The following BBS9 variants were observed in gnomAD, a reference collection of about 807,000 sequenced individuals.
BBS9 encodes Bardet-Biedl syndrome 9, also known as protein PTHB1.
Under a neutral mutation model 117.7 loss-of-function variants are expected in BBS9, and 89 were observed. The observed-to-expected ratio is 0.76, with a 90% CI of 0.64 to 0.90. The LOEUF (loss-of-function observed/expected upper bound fraction) is 0.90, where lower values mean the gene tolerates loss of function less well. BBS9 is among the 40% of genes least tolerant of loss of function. BBS9 has a pLI of 0.00. For missense variants in BBS9, 982 were observed against 1,042.2 expected (o/e 0.94, Z 0.80); for synonymous variants, 379 against 370.9 (o/e 1.02, Z -0.25).
intron 19 of BBS9, among the ~76,000 whole-genome samples, chr7:33,389,687 TAAAAAAAAA>T (rs5883400): frequency 1.0e-3 from 92 of 91,946 alleles, no homozygotes; most frequent in Admixed American, 1.5e-3. Context: ...AGACTCCATC[TAAAAAAAAA>T]AAAAAAAAAA....
In BBS9 at chr7:33,433,609, G is replaced by A. The variant is rs145912059; in HGVS notation, c.2115+45465G>A. Among the ~76,000 whole-genome samples, 245 of 152,208 alleles carry A rather than the reference G, an allele frequency of 1.6e-3. 1 individual carries two copies. The highest frequency in any genetic ancestry group is 5.4e-3 in the African/African-American group (223 of 41,544). ...TTAGTGCCATCGGCATTAGTATTCA[G>A]TCTGAGAGACACAATTATGTCAAGA... On this transcript the variant is annotated intron_variant, in intron 19 of 22. Transcript: ENST00000242067.
At chr7:33,630,804 A>C (rs565400263) in intron 21 of BBS9, among the ~76,000 whole-genome samples, 1 of 33,566 alleles carries the variant, frequency 3.0e-5, no homozygotes, top group South Asian at 7.6e-4. Context: ...TGCCTTCTGC[A>C]CTCACTCATT....
At chr7:33,248,099 T>C (rs1795647102) in intron 5 of BBS9, among the ~76,000 whole-genome samples, 2 of 152,212 alleles carry the variant, frequency 1.3e-5, no homozygotes, top group African/African-American at 2.4e-5. Flanking sequence ...GAAGTTAATA[T>C]GTAGACTTAA....
chr7:33,191,151 T>G (rs1784052423), intron 5 of BBS9, among the ~76,000 whole-genome samples: 1 of 152,012 alleles, frequency 6.6e-6, no homozygotes, highest in Non-Finnish European at 1.5e-5. Flanking sequence ...GAAGCAGGAC[T>G]GGGGAGGGCA....
In BBS9 at chr7:33,416,050, T is replaced by C. The variant is rs193083735; in HGVS notation, c.2115+27906T>C. Among the ~76,000 whole-genome samples the C allele has an allele frequency of 2.7e-4, 41 of 152,098 alleles. No homozygotes were observed. The East Asian group carries it at 8.0e-3, about 30-fold the overall frequency. ...GGTTTTGCCGTGTTGCCCAGGCTGGTCTCAAATTCCTGGGCTCAAGCAATC... is the reference window on the plus strand; with the variant it reads ...GGTTTTGCCGTGTTGCCCAGGCTGGCCTCAAATTCCTGGGCTCAAGCAATC... On this transcript the variant is annotated intron_variant, in intron 19 of 22. Transcript: ENST00000242067.
intron 5 of BBS9, among the ~76,000 whole-genome samples, chr7:33,180,901 G>A (rs1299765942): frequency 1.3e-5 from 2 of 150,244 alleles, no homozygotes; most frequent in Non-Finnish European, 2.9e-5. Context: ...ATACCGTGGC[G>A]ACCAGGTAAC....
chr7:33,552,928 T>A (rs1260884307), intron 21 of BBS9, among the ~76,000 whole-genome samples: 3 of 152,192 alleles, frequency 2.0e-5, no homozygotes, highest in Non-Finnish European at 2.9e-5. Flanking sequence ...CCACCAGCAA[T>A]TTCTTCACAA....
intron 20 of BBS9, among the ~76,000 whole-genome samples, chr7:33,531,307 T>C (rs1257683702): frequency 1.3e-5 from 2 of 152,076 alleles, no homozygotes; most frequent in Non-Finnish European, 2.9e-5. Context: ...ATGTGGCAAG[T>C]GTGGCAAAGA....
intron 5 of BBS9, among the ~76,000 whole-genome samples, chr7:33,218,886 C>T (rs566907872): frequency 2.0e-5 from 3 of 152,346 alleles, no homozygotes; most frequent in East Asian, 3.9e-4. Flanking sequence ...ACTTGAGGAG[C>T]CCTTCAGCCC....
intron 20 of BBS9, among the ~76,000 whole-genome samples, chr7:33,520,365 C>G (rs1848430479): frequency 1.3e-5 from 2 of 152,104 alleles, no homozygotes; most frequent in Admixed American, 1.3e-4. Flanking sequence ...TGCTGTTATT[C>G]AAGTGAACCC....
chr7:33,594,756 G>A (rs549314617), intron 21 of BBS9, among the ~76,000 whole-genome samples: 1 of 152,200 alleles, frequency 6.6e-6, no homozygotes, highest in South Asian at 2.1e-4. Flanking sequence ...TAAGCAAAAT[G>A]TTCCATTCCC....
At chr7:33,203,833 C>T (rs1341195741) in intron 5 of BBS9, among the ~76,000 whole-genome samples, 1 of 151,790 alleles carries the variant, frequency 6.6e-6, no homozygotes, top group Non-Finnish European at 1.5e-5. Flanking sequence ...AGCAATTCTC[C>T]TGCCTCAGCC....
chr7:33,538,210 G>A (rs566988265), intron 21 of BBS9, among the ~76,000 whole-genome samples: 45 of 152,328 alleles, frequency 3.0e-4, no homozygotes, highest in Non-Finnish European at 5.6e-4. Flanking sequence ...CTAAAAGGAA[G>A]CCAAGAGGAG....
chr7:33,210,812 G>A (rs1338647374), intron 5 of BBS9, among the ~76,000 whole-genome samples: 2 of 152,056 alleles, frequency 1.3e-5, no homozygotes, highest in East Asian at 1.9e-4. Flanking sequence ...ATGAGCCACC[G>A]AGCCCAGCCA....
chr7:33,445,319 A>G (rs959469878), intron 19 of BBS9, among the ~76,000 whole-genome samples: 3 of 152,230 alleles, frequency 2.0e-5, no homozygotes, highest in Non-Finnish European at 4.4e-5. Context: ...ACAGAATTGC[A>G]TAAGTTTTGA....
chr7:33,260,197 T>A (rs1039132241), intron 6 of BBS9, among the ~76,000 whole-genome samples: 1 of 152,120 alleles, frequency 6.6e-6, no homozygotes, highest in Non-Finnish European at 1.5e-5. Context: ...AGACAGGGTT[T>A]CATTGTGTTG....
intron 6 of BBS9, among the ~76,000 whole-genome samples, chr7:33,258,708 C>G (rs894461020): frequency 3.3e-5 from 5 of 152,186 alleles, no homozygotes; most frequent in African/African-American, 1.2e-4. Context: ...TGTGCCTCAC[C>G]TCCTGCCAAG....
At chr7:33,627,230 G>T (rs1342860304) in intron 21 of BBS9, among the ~76,000 whole-genome samples, 3 of 152,240 alleles carry the variant, frequency 2.0e-5, no homozygotes, top group Non-Finnish European at 4.4e-5. Context: ...CTGCTCCTGA[G>T]GGTGCAAGCT....
chr7:33,625,653 A>G (rs1180175517), intron 21 of BBS9, among the ~76,000 whole-genome samples: 2 of 152,154 alleles, frequency 1.3e-5, no homozygotes, highest in African/African-American at 2.4e-5. Flanking sequence ...TTAATACATT[A>G]ATTTCAGGAA....
Sources: gnomAD v4.1 joint callset for allele counts (sites outside exome capture counted in the v4.1 genomes callset) on GRCh38, gnomAD v4.1.1 for gene constraint, MANE v1.5 for transcripts, NCBI Gene and HGNC (gene_info 2026-07-23, HGNC 2026-07-21) for gene names.